Variants in GLIS3 observed in about 807,000 individuals in gnomAD.
GLIS3 encodes GLIS family zinc finger 3.
GLIS3 carries 53 observed loss-of-function variants against 78.6 expected under a neutral mutation model. The observed-to-expected ratio is 0.67, with a 90% CI of 0.54 to 0.85. The LOEUF is 0.85. Ranked by LOEUF, GLIS3 falls within the 40% of genes least tolerant of loss-of-function variation. The pLI, the probability that GLIS3 is intolerant of heterozygous loss-of-function variation, is 0.00. For missense variants in GLIS3, 1,703 were observed against 1,231.1 expected, an observed-to-expected ratio of 1.38 and a Z score of -5.74; for synonymous variants, 684 against 509.9, an observed-to-expected ratio of 1.34 and a Z score of -4.60.
chr9:3,978,826 A>C (rs1176296193), intron 4 of GLIS3, among the ~76,000 whole-genome samples: 9 of 152,180 alleles, frequency 5.9e-5, no homozygotes, highest in Admixed American at 5.9e-4. Flanking sequence ...AGCACTCTAC[A>C]TCCTTGAGTT....
intron 2 of GLIS3, among the ~76,000 whole-genome samples, chr9:4,231,035 G>C (rs1244463063): frequency 6.6e-6 from 1 of 152,054 alleles, no homozygotes; most frequent in Non-Finnish European, 1.5e-5. Flanking sequence ...TTGTGACACT[G>C]CACTCCAGCC....
intron 2 of GLIS3, among the ~76,000 whole-genome samples, chr9:4,126,256 T>G (rs980753194): frequency 6.6e-6 from 1 of 152,222 alleles, no homozygotes; most frequent in Non-Finnish European, 1.5e-5. Flanking sequence ...GGTAAGTAGA[T>G]GGGATTGCCT....
chr9:3,937,192 G>A lies in GLIS3; in HGVS notation c.1711-3C>T. On this transcript the variant is annotated splice_region_variant and splice_polypyrimidine_tract_variant and intron_variant, in intron 4 of 10. Transcript: ENST00000381971. ...AAGGCCTTCTCGCAACCTTCAAACT[G>A]CAAAAAGAAAACAATTTTTGGTGGT... The A allele has an allele frequency of 1.2e-6, 2 of 1,613,860 alleles. No homozygotes were observed. Among genetic ancestry groups the A allele is most frequent in the Middle Eastern group, 1.7e-4 (1 of 6,046 alleles).
chr9:3,928,608 C>G (rs946634282), intron 6 of GLIS3, among the ~76,000 whole-genome samples: 7 of 152,164 alleles, frequency 4.6e-5, no homozygotes, highest in Non-Finnish European at 1.0e-4. Context: ...GTTACCAGTT[C>G]TCTATGAAGA....
chr9:4,389,375 G>C, the GLIS3 span, among the ~76,000 whole-genome samples: 3 of 152,182 alleles, frequency 2.0e-5, no homozygotes. Flanking sequence ...TGTAGGGCGT[G>C]ACATGACTTA....
intron 2 of GLIS3, among the ~76,000 whole-genome samples, chr9:4,252,025 G>A (rs1824446908): frequency 6.6e-6 from 1 of 152,100 alleles, no homozygotes. Context: ...TTTCTCTCTG[G>A]CTGCCCTGAA....
chr9:4,165,971 G>C (rs779981733), intron 2 of GLIS3, among the ~76,000 whole-genome samples: 5 of 152,182 alleles, frequency 3.3e-5, no homozygotes, highest in African/African-American at 1.2e-4. Flanking sequence ...GGAGGGAGCT[G>C]GGTGGAAGGG....
intron 7 of GLIS3, among the ~76,000 whole-genome samples, chr9:3,881,696 A>C (rs1563808528): frequency 6.6e-6 from 1 of 152,136 alleles, no homozygotes; most frequent in Non-Finnish European, 1.5e-5. Context: ...CCCATCTATC[A>C]TTCAGCCGTT....
At chr9:4,301,460 A>T (rs1817071102), upstream of GLIS3, among the ~76,000 whole-genome samples, 2 of 152,236 alleles carry the variant, frequency 1.3e-5, no homozygotes, top group African/African-American at 4.8e-5. Context: ...TGACTATTCC[A>T]TTGTGGCTAG....
At chr9:3,877,758 C>G (rs954327485) in intron 8 of GLIS3, among the ~76,000 whole-genome samples, 3 of 152,156 alleles carry the variant, frequency 2.0e-5, no homozygotes, top group African/African-American at 7.2e-5. Context: ...ACTGCTTTGC[C>G]TTGCTTCAAG....
At chr9:4,396,624 T>G in the GLIS3 span, among the ~76,000 whole-genome samples, 1 of 152,240 alleles carries the variant, frequency 6.6e-6, no homozygotes, top group Admixed American at 6.5e-5. Flanking sequence ...AATCTTGAAG[T>G]CAGTGATTCT....
At chr9:4,094,836 A>C (rs1246157018) in intron 4 of GLIS3, among the ~76,000 whole-genome samples, 1 of 152,232 alleles carries the variant, frequency 6.6e-6, no homozygotes, top group East Asian at 1.9e-4. Context: ...CAAAATTTTA[A>C]AATCACAATG....
the GLIS3 span, among the ~76,000 whole-genome samples, chr9:4,355,148 AGAAAAAGAAAAAAG>A: frequency 3.3e-5 from 5 of 151,920 alleles, no homozygotes; most frequent in African/African-American, 1.2e-4. Context: ...AAAAAGAAAA[AGAAAAAGAAAAAAG>A]AGAGAGAGTT....
rs535113586 is a variant in GLIS3 at position 4,278,156 on chromosome 9, T to C, written c.388+7882A>G. ...AAACACTGACAAGTGTGCAACAAGA[T>C]AGTGTGACGAAGAACTCAGTAATGT... On this transcript the variant is annotated intron_variant, in intron 2 of 10. Coordinates refer to ENST00000381971, the MANE Select transcript of GLIS3 (RefSeq NM_001042413.2). Among the ~76,000 whole-genome samples the C allele has an allele frequency of 4.6e-5, 7 of 152,354 alleles. No individual in the cohort carries two copies. In the South Asian group the frequency reaches 8.3e-4, roughly 18 times the overall value.
intron 2 of GLIS3, among the ~76,000 whole-genome samples, chr9:4,330,140 C>A (rs1817663666): frequency 6.6e-6 from 1 of 152,010 alleles, no homozygotes; most frequent in Non-Finnish European, 1.5e-5. Context: ...AAACCCACAT[C>A]AGAAATAATG....
At chr9:4,078,302 T>C (rs1361482750) in intron 4 of GLIS3, among the ~76,000 whole-genome samples, 3 of 152,156 alleles carry the variant, frequency 2.0e-5, no homozygotes, top group Non-Finnish European at 4.4e-5. Context: ...ATCCTGCCCC[T>C]ACCTGCCTGG....
chr9:4,141,191 G>A (rs996852993), intron 2 of GLIS3, among the ~76,000 whole-genome samples: 1 of 152,214 alleles, frequency 6.6e-6, no homozygotes, highest in Non-Finnish European at 1.5e-5. Flanking sequence ...TCTGAAAGAG[G>A]ATAGTGCCTC....
chr9:4,457,432 G>C, the GLIS3 span, among the ~76,000 whole-genome samples: 1 of 151,968 alleles, frequency 6.6e-6, no homozygotes, highest in Non-Finnish European at 1.5e-5. Flanking sequence ...TCTGGAAGGA[G>C]GAAAAGAGAT....
rs1182197364 is a variant in GLIS3, at chr9:3,840,256, C to G, written c.2474-10764G>C. 2.0e-5 allele frequency among the ~76,000 whole-genome samples: 3 copies of G among 152,230 alleles called. No homozygotes were observed. The East Asian group carries it at 5.8e-4, about 29-fold the overall frequency. ...AGCAGTTCTTAAGTAATTTTTATTA[C>G]ACAACCTACTACCATTAAGTATAAA... On this transcript the variant is annotated intron_variant, in intron 9 of 10. Coordinates refer to ENST00000381971, the MANE Select transcript of GLIS3 (RefSeq NM_001042413.2).
Sources: gnomAD v4.1 joint callset for allele counts (sites outside exome capture counted in the v4.1 genomes callset) on GRCh38, gnomAD v4.1.1 for gene constraint, MANE v1.5 for transcripts, NCBI Gene and HGNC (gene_info 2026-07-23, HGNC 2026-07-21) for gene names.